PHF24: variants seen among roughly 807,000 people sequenced by gnomAD.
PHF24 encodes PHD finger protein 24.
PHF24 carries 25 observed loss-of-function variants against 42.6 expected under a neutral mutation model. The observed-to-expected ratio is 0.59, with a 90% CI of 0.43 to 0.82. PHF24 has a LOEUF of 0.82. Among genes scored for constraint, PHF24 ranks in the 40% least tolerant of loss-of-function variants. The pLI is 0.00. For missense variants in PHF24, 470 were observed against 538.1 expected (o/e 0.87, Z 1.25); for synonymous variants, 185 against 204.8 (o/e 0.90, Z 0.83).
the PHF24 span, among the ~76,000 whole-genome samples, chr9:34,720,317 C>T: frequency 2.0e-5 from 3 of 152,072 alleles, no homozygotes; most frequent in East Asian, 1.9e-4. Context: ...CGGTGGCGGG[C>T]GCCTGTAGTC....
At chr9:34,752,642 T>G in the PHF24 span, among the ~76,000 whole-genome samples, 1 of 152,182 alleles carries the variant, frequency 6.6e-6, no homozygotes, top group Non-Finnish European at 1.5e-5. Context: ...ACTCAAACTA[T>G]TCTGAAAAAT....
chr9:34,960,316 T>A (rs1254605869), intron 1 of PHF24, among the ~76,000 whole-genome samples: 2 of 152,192 alleles, frequency 1.3e-5, no homozygotes, highest in African/African-American at 4.8e-5. Flanking sequence ...CTCCTGGAAT[T>A]ACATAGTGAG....
intron 1 of PHF24, among the ~76,000 whole-genome samples, chr9:34,967,915 G>A (rs1444756043): frequency 6.6e-6 from 1 of 152,170 alleles, no homozygotes; most frequent in East Asian, 1.9e-4. Context: ...AACAGACAGA[G>A]AACTAAAGCC....
At chr9:34,682,011 G>A in the PHF24 span, among the ~76,000 whole-genome samples, 1 of 1,366 alleles carries the variant, frequency 7.3e-4, no homozygotes, top group African/African-American at 1.5e-3. Context: ...GGGTCTTGCT[G>A]TTGCCCAGGA....
the PHF24 span, among the ~76,000 whole-genome samples, chr9:34,811,072 G>A: frequency 6.6e-6 from 1 of 152,188 alleles, no homozygotes; most frequent in Non-Finnish European, 1.5e-5. Context: ...TACTAGGTAT[G>A]TTTAAACATC....
At chr9:34,849,625 T>G in the PHF24 span, among the ~76,000 whole-genome samples, 1 of 152,336 alleles carries the variant, frequency 6.6e-6, no homozygotes, top group Middle Eastern at 3.4e-3. Flanking sequence ...TTGTTATGTG[T>G]GAATTTGATC....
the PHF24 span, among the ~76,000 whole-genome samples, chr9:34,743,242 A>G: frequency 6.6e-6 from 1 of 152,158 alleles, no homozygotes; most frequent in East Asian, 1.9e-4. Context: ...ATCCTAACCT[A>G]CCTGATATGT....
the PHF24 span, among the ~76,000 whole-genome samples, chr9:34,943,140 C>A: frequency 1.3e-5 from 2 of 152,190 alleles, no homozygotes; most frequent in Non-Finnish European, 2.9e-5. Context: ...TTTAAGCCTG[C>A]AGCAGCCTTC....
the PHF24 span, among the ~76,000 whole-genome samples, chr9:34,739,440 A>G: frequency 6.6e-6 from 1 of 152,220 alleles, no homozygotes; most frequent in Non-Finnish European, 1.5e-5. Context: ...TATTTCCACA[A>G]AGACATATGA....
the PHF24 span, among the ~76,000 whole-genome samples, chr9:34,836,329 G>C: frequency 3.9e-5 from 6 of 152,218 alleles, no homozygotes; most frequent in Non-Finnish European, 8.8e-5. Context: ...TGGCCTTGTT[G>C]AGAAGCTGAA....
chr9:34,833,149 T>C, the PHF24 span: 7 of 1,551,284 alleles, frequency 4.5e-6, no homozygotes, highest in Non-Finnish European at 6.1e-6. Context: ...TGGTTTCCTC[T>C]GGGTCCTCTC....
chr9:34,788,537 C>T, the PHF24 span, among the ~76,000 whole-genome samples: 1 of 152,138 alleles, frequency 6.6e-6, no homozygotes, highest in African/African-American at 2.4e-5. Flanking sequence ...TTCAAGGATA[C>T]TAGGATTTGT....
chr9:34,832,942 C>A, the PHF24 span: 29 of 1,551,716 alleles, frequency 1.9e-5, no homozygotes, highest in Non-Finnish European at 2.5e-5. Context: ...GCTGTGGGAG[C>A]TTAAACTGAG....
the PHF24 span, among the ~76,000 whole-genome samples, chr9:34,881,523 G>A: frequency 6.6e-6 from 1 of 152,144 alleles, no homozygotes; most frequent in South Asian, 2.1e-4. Flanking sequence ...AAATGATAAA[G>A]GGGATATCAC....
the PHF24 span, among the ~76,000 whole-genome samples, chr9:34,886,834 G>GTATCTATCTATCATC: frequency 1.3e-5 from 2 of 148,694 alleles, no homozygotes; most frequent in African/African-American, 5.0e-5. Context: ...ATGTATCTAT[G>GTATCTATCTATCATC]TATCTATCTA....
the PHF24 span, among the ~76,000 whole-genome samples, chr9:34,903,549 G>A: frequency 6.6e-6 from 1 of 152,204 alleles, no homozygotes; most frequent in East Asian, 1.9e-4. Context: ...CCAAGCTACA[G>A]AGCTAAACCC....
chr9:34,962,242 C>T (rs559893725), intron 1 of PHF24, among the ~76,000 whole-genome samples: 7 of 152,334 alleles, frequency 4.6e-5, no homozygotes, highest in African/African-American at 1.4e-4. Context: ...TGTGAAGACA[C>T]GTTTCCTTGC....
the PHF24 span, among the ~76,000 whole-genome samples, chr9:34,687,593 G>A: frequency 1.4e-3 from 212 of 152,284 alleles, 1 homozygote; most frequent in African/African-American, 4.6e-3. Context: ...TGGAGGTAGC[G>A]TCCAGGGGCC....
the PHF24 span, among the ~76,000 whole-genome samples, chr9:34,828,212 T>C: frequency 6.6e-6 from 1 of 152,102 alleles, no homozygotes; most frequent in Non-Finnish European, 1.5e-5. Flanking sequence ...AGAAACCTTT[T>C]TCTTCCCTTA....
Sources: gnomAD v4.1 joint callset for allele counts (sites outside exome capture counted in the v4.1 genomes callset) on GRCh38, gnomAD v4.1.1 for gene constraint, MANE v1.5 for transcripts, NCBI Gene and HGNC (gene_info 2026-07-23, HGNC 2026-07-21) for gene names.